Variants in BSN observed in about 807,000 individuals in gnomAD.
BSN encodes protein bassoon.
BSN carries 57 observed loss-of-function variants against 264.8 expected under a neutral mutation model. The ratio of observed to expected loss-of-function variants is 0.22; its 90% CI spans 0.17 to 0.27. The LOEUF is 0.27. BSN is among the 10% of genes least tolerant of loss of function. The probability of loss-of-function intolerance (pLI) is 1.00; values close to 1 mark genes in which losing one functional copy is unlikely to be tolerated. For synonymous variants in BSN, 2,059 were observed against 2,137.3 expected, an observed-to-expected ratio of 0.96 and a Z score of 1.01; for missense variants, 4,615 against 5,232.5, an observed-to-expected ratio of 0.88 and a Z score of 3.64.
chr3:49,592,015 A>G (rs1387479297), intron 1 of BSN, among the ~76,000 whole-genome samples: 8 of 152,204 alleles, frequency 5.3e-5, no homozygotes, highest in South Asian at 2.1e-4. Flanking sequence ...CTCATTCACA[A>G]TTTTTAAAAA....
chr3:49,556,469 C>G (rs1012998208), intron 1 of BSN, among the ~76,000 whole-genome samples: 1 of 152,168 alleles, frequency 6.6e-6, no homozygotes, highest in Admixed American at 6.5e-5. Context: ...TGAGGCGAAC[C>G]ACGGACTCCT....
Position 49,652,908 on chromosome 3 carries a change from C to A in BSN, c.3352C>A (p.Leu1118Ile). The change falls in exon 5 of 12, where the codon CTA becomes ATA. Residue 1118 changes from leucine (L) to isoleucine (I), a missense_variant. Leu to Ile is a conservative substitution (Grantham distance 5, BLOSUM62 2). Coordinates refer to ENST00000296452, the MANE Select transcript of BSN (RefSeq NM_003458.4). Reference sequence around the variant, plus strand: ...GAGGCAGGCGGCCGAGATGGAGGAGCTACACCGCTCCTCCTGCTCTGAGTA... The same window carrying A: ...GAGGCAGGCGGCCGAGATGGAGGAGATACACCGCTCCTCCTGCTCTGAGTA... ...ELRQAAEMEE[L>I]HRSSCSEYSP... 6.2e-7 allele frequency: 1 copy of A among 1,610,170 alleles called. No homozygotes were observed. The highest frequency in any genetic ancestry group is 8.5e-7 in the Non-Finnish European group (1 of 1,177,636).
chr3:49,635,884 T>G (rs536110386), intron 2 of BSN, among the ~76,000 whole-genome samples: 7 of 150,318 alleles, frequency 4.7e-5, no homozygotes, highest in Admixed American at 1.3e-4. Context: ...GAGGCTGAGG[T>G]GGGAGGATCA....
In BSN at chr3:49,653,005, G is replaced by T; in HGVS notation, c.3449G>T (p.Gly1150Val). 6.2e-7 allele frequency: 1 copy of T among 1,613,488 alleles called. No individual in the cohort carries two copies. Among genetic ancestry groups the T allele is most frequent in the Non-Finnish European group, 8.5e-7 (1 of 1,179,916 alleles). ...DGGPSRLYKSGSEYNLPTFMS... is the reference protein window; with the variant it reads ...DGGPSRLYKSVSEYNLPTFMS... The stretch of plus-strand genomic sequence containing the variant: ...GGCCCTAGCCGGCTTTACAAGTCAG[G>T]CAGTGAGTACAACCTGCCCACCTTC... The change falls in exon 5 of 12, where the codon GGC (glycine) becomes GTC (valine). Residue 1150 changes from glycine to valine, a missense_variant. Physicochemically the swap from Gly to Val is moderately radical, Grantham distance 109. Transcript: ENST00000296452. This position sits in a 1 kb window ranked among gnomAD's most constrained non-coding sequence, Gnocchi z 6.3.
rs1268525950 is a variant in BSN at position 49,604,810 on chromosome 3, CT to C, written c.225-20164del. On this transcript the variant is annotated intron_variant, in intron 1 of 11. Coordinates refer to ENST00000296452, the MANE Select transcript of BSN (RefSeq NM_003458.4). ...CCTCCCACACCTACATCCCCCACCC[CT>C]CCCCATATTTCCCCTGACTACACCC... Among the ~76,000 whole-genome samples, 5 of 152,092 alleles carry C rather than the reference CT, an allele frequency of 3.3e-5. No individual in the cohort carries two copies. The South Asian group carries it at 1.0e-3, about 32-fold the overall frequency.
At position 49,663,213 on chromosome 3, in the gene BSN, C is replaced by T; in HGVS notation, c.11055C>T (p.Pro3685=). ...ATGAGGCCCGGCCCCACTCTCAGCC[C>T]AGCTCTGCTCCAGCTATGCCGAAGA... is the stretch of plus-strand genomic sequence containing the variant. The part of the protein sequence containing the change: ...GRHEARPHSQ[P]SSAPAMPKKG... Residue 3685 remains proline (P), a synonymous_variant, in exon 7 of 12, where the codon CCC becomes CCT. Coordinates refer to ENST00000296452, the MANE Select transcript of BSN (RefSeq NM_003458.4). 1 of 1,614,082 alleles carries T rather than the reference C, an allele frequency of 6.2e-7. No homozygotes were observed. The highest frequency in any genetic ancestry group is 1.1e-5 in the South Asian group (1 of 91,092).
intron 1 of BSN, among the ~76,000 whole-genome samples, chr3:49,609,089 C>CTTT (rs35003449): frequency 1.1e-4 from 10 of 89,018 alleles, no homozygotes; most frequent in South Asian, 4.4e-4. Flanking sequence ...GTTAAATTGA[C>CTTT]TTTTTTTTTT....
rs1003564038 is a variant in BSN at position 49,655,664 on chromosome 3, C to T, written c.6108C>T (p.Gly2036=). Residue 2036 remains glycine (G), a synonymous_variant, in exon 5 of 12, where the codon GGC becomes GGT. Transcript: ENST00000296452. ...CGGATGGACGCTACCTAGGGCAGGG[C>T]TTGCAGTATGGCTCAGTCACGGACC... The part of the protein sequence containing the change: ...GFADGRYLGQ[G]LQYGSVTDLR... The T allele has an allele frequency of 3.7e-6, 6 of 1,613,624 alleles. No individual in the cohort carries two copies. Among genetic ancestry groups the T allele is most frequent in the Non-Finnish European group, 5.1e-6 (6 of 1,179,998 alleles).
At chr3:49,623,649 G>A (rs1387461124) in intron 1 of BSN, among the ~76,000 whole-genome samples, 1 of 152,192 alleles carries the variant, frequency 6.6e-6, no homozygotes, top group Non-Finnish European at 1.5e-5. Context: ...TAGTGGAAAA[G>A]TAACACTTTA....
chr3:49,654,749 C>T lies in BSN; in HGVS notation c.5193C>T (p.Thr1731=), dbSNP rs765694747. 3.1e-6 allele frequency: 5 copies of T among 1,613,732 alleles called. No homozygotes were observed. Among genetic ancestry groups the T allele is most frequent in the East Asian group, 2.2e-5 (1 of 44,882 alleles). ...QEHTFLATAT[T]VSITMASSVF... is the part of the protein sequence containing the mutation. ...ATACCTTCCTTGCTACTGCCACCAC[C>T]GTGAGCATCACCATGGCCTCGTCTG... The change falls in exon 5 of 12, where the codon ACC becomes ACT. Residue 1731 remains threonine, a synonymous_variant. Coordinates refer to ENST00000296452, the MANE Select transcript of BSN (RefSeq NM_003458.4). This position sits in a 1 kb window ranked among gnomAD's most constrained non-coding sequence, Gnocchi z 4.1.
Position 49,652,742 on chromosome 3 carries a change from G to A in BSN, c.3186G>A (p.Val1062=). The A allele has an allele frequency of 6.4e-7, 1 of 1,557,720 alleles. No homozygotes were observed. Among genetic ancestry groups the A allele is most frequent in the East Asian group, 2.3e-5 (1 of 44,400 alleles). ...GTGAGCAAGAGAAGATGCGGGAGGTGGAGCAGCAGCGCATCCGCAGCACGG... is the reference window on the plus strand; with the variant it reads ...GTGAGCAAGAGAAGATGCGGGAGGTAGAGCAGCAGCGCATCCGCAGCACGG... ...LLREQEKMRE[V]EQQRIRSTAR... is the part of the protein sequence containing the mutation. The change falls in exon 5 of 12, where the codon GTG becomes GTA. Residue 1062 remains valine, a synonymous_variant. Coordinates refer to ENST00000296452, the MANE Select transcript of BSN (RefSeq NM_003458.4).
At chr3:49,635,909 G>C (rs1332728915) in intron 2 of BSN, among the ~76,000 whole-genome samples, 3 of 151,594 alleles carry the variant, frequency 2.0e-5, no homozygotes, top group African/African-American at 7.3e-5. Flanking sequence ...AGTCTGGGAG[G>C]TGGAGGTTGC....
intron 1 of BSN, among the ~76,000 whole-genome samples, chr3:49,577,105 G>C (rs2051850385): frequency 6.6e-6 from 1 of 152,026 alleles, no homozygotes; most frequent in Non-Finnish European, 1.5e-5. Flanking sequence ...TATGTATTGA[G>C]CACCTGTTAC....
In BSN at chr3:49,654,216, G is replaced by T; in HGVS notation, c.4660G>T (p.Ala1554Ser). The T allele has an allele frequency of 6.2e-7, 1 of 1,613,744 alleles. No individual in the cohort carries two copies. The highest frequency in any genetic ancestry group is 8.5e-7 in the Non-Finnish European group (1 of 1,179,924). ...RLVWQESSQE[A>S]PFMVITLASD... ...GGTGTGGCAGGAGTCCTCTCAAGAG[G>T]CTCCCTTTATGGTCATCACGCTGGC... The change falls in exon 5 of 12, where the codon GCT becomes TCT. Residue 1554 changes from alanine to serine, a missense_variant. Ala to Ser is a moderately conservative substitution (Grantham distance 99). Coordinates refer to ENST00000296452, the MANE Select transcript of BSN (RefSeq NM_003458.4). This position sits in a 1 kb window ranked among gnomAD's most constrained non-coding sequence, Gnocchi z 4.1.
chr3:49,589,666 C>G (rs2051962984), intron 1 of BSN, among the ~76,000 whole-genome samples: 2 of 150,686 alleles, frequency 1.3e-5, no homozygotes, highest in Admixed American at 6.6e-5. Context: ...GCCACCACGC[C>G]CGGCTCATTT....
At chr3:49,627,064 G>T (rs2052346891) in intron 2 of BSN, among the ~76,000 whole-genome samples, 1 of 152,244 alleles carries the variant, frequency 6.6e-6, no homozygotes, top group South Asian at 2.1e-4. Context: ...AGAAGATGGG[G>T]CCTCACACTT....
In BSN at chr3:49,654,031, C is replaced by A. The variant is rs2052570071; in HGVS notation, c.4475C>A (p.Ser1492Tyr). Residue 1492 changes from serine to tyrosine, a missense_variant, in exon 5 of 12, where the codon TCC becomes TAC. Around this residue, in one of 3 missense-constraint regions of BSN, gnomAD observed 3,415 missense variants for 3,866.4 expected, o/e 0.88. Transcript: ENST00000296452. The surrounding 1 kb of genome is among the most constrained non-coding windows in gnomAD (Gnocchi z 4.1). The stretch of plus-strand genomic sequence containing the variant: ...TCCCCCTCAGAGAGTCCCACATTCT[C>A]CCCTGGCAAGATGGGCCCAAGGGCC... Reference protein sequence around the residue: ...PSSPSESPTFSPGKMGPRATA... With the variant: ...PSSPSESPTFYPGKMGPRATA... The A allele has an allele frequency of 2.5e-6, 4 of 1,613,778 alleles. No individual in the cohort carries two copies. The highest frequency in any genetic ancestry group is 3.4e-6 in the Non-Finnish European group (4 of 1,179,976).
In BSN at chr3:49,625,433, A is replaced by C. The variant is rs1575441136; in HGVS notation, c.633+50A>C. 2.2e-6 allele frequency: 3 copies of C among 1,389,856 alleles called. No individual in the cohort carries two copies. Among genetic ancestry groups the C allele is most frequent in the East Asian group, 2.7e-5 (1 of 36,474 alleles). 86.1% of individuals were successfully genotyped at this position (1,389,856 alleles called of 1,614,324 possible). A position where few individuals can be genotyped will look rare whatever the true frequency, so the allele number is the denominator to read the frequency against. ...CACTCACCTGCTACCTCATTACCAT[A>C]CCTCCCCTGGTTCCCTTCCCCTCTT... On this transcript the variant is annotated intron_variant, in intron 2 of 11. Coordinates refer to ENST00000296452, the MANE Select transcript of BSN (RefSeq NM_003458.4). This position sits in a 1 kb window ranked among gnomAD's most constrained non-coding sequence, Gnocchi z 4.4.
At chr3:49,584,285 AT>A (rs34680713) in intron 1 of BSN, among the ~76,000 whole-genome samples, 12 of 149,170 alleles carry the variant, frequency 8.0e-5, no homozygotes, top group Admixed American at 1.3e-4. Context: ...AGGCTTATTG[AT>A]TTTTTTTTTA....
Sources: gnomAD v4.1 joint callset for allele counts (sites outside exome capture counted in the v4.1 genomes callset) on GRCh38, gnomAD v4.1.1 for gene constraint, gnomAD v4.1.1 regional missense constraint, Gnocchi (gnomAD v3.1) non-coding constraint, MANE v1.5 for transcripts, NCBI Gene and HGNC (gene_info 2026-07-23, HGNC 2026-07-21) for gene names.